Variants in SYTL3 observed in about 807,000 individuals in gnomAD.
The protein encoded by SYTL3 is synaptotagmin-like protein 3.
Under a neutral mutation model 82.1 loss-of-function variants are expected in SYTL3, and 88 were observed. The observed-to-expected ratio is 1.07, with a 90% CI of 0.90 to 1.28. SYTL3 has a LOEUF of 1.28. SYTL3 is among the 50% of genes most tolerant of loss of function. The pLI is 0.00. For missense variants in SYTL3, 831 were observed against 757.6 expected, an observed-to-expected ratio of 1.10 and a Z score of -1.14; for synonymous variants, 311 against 289.4, an observed-to-expected ratio of 1.07 and a Z score of -0.76.
chr6:158,727,689 C>CTTTTTTTTTCTTTT (rs554623370), intron 11 of SYTL3, among the ~76,000 whole-genome samples: 1 of 106,728 alleles, frequency 9.4e-6, no homozygotes, highest in African/African-American at 4.3e-5. Flanking sequence ...TCCAAGTACT[C>CTTTTTTTTTCTTTT]TTTTTTTTTT....
chr6:158,655,432 A>G (rs971713548), intron 2 of SYTL3, among the ~76,000 whole-genome samples: 1 of 152,246 alleles, frequency 6.6e-6, no homozygotes, highest in Non-Finnish European at 1.5e-5. Context: ...GAATCGCTGA[A>G]ATCTGATATT....
chr6:158,683,134 C>T, intron 6 of SYTL3, 145 bp downstream of exon 6: 1 of 585,590 alleles, frequency 1.7e-6, no homozygotes, highest in South Asian at 1.9e-5. Context: ...CTGATGCTCT[C>T]ACTGTAATTC....
chr6:158,741,906 C>T (rs1026092182), intron 11 of SYTL3, among the ~76,000 whole-genome samples: 1 of 152,190 alleles, frequency 6.6e-6, no homozygotes, highest in Non-Finnish European at 1.5e-5. Context: ...GGAGCAGCTT[C>T]GATGATTGCT....
At chr6:158,654,228 A>T (rs1788402427) in intron 2 of SYTL3, among the ~76,000 whole-genome samples, 1 of 152,118 alleles carries the variant, frequency 6.6e-6, no homozygotes, top group Admixed American at 6.5e-5. Flanking sequence ...TTTTGTACTC[A>T]TCCCACCATG....
intron 11 of SYTL3, among the ~76,000 whole-genome samples, chr6:158,743,154 G>A (rs984086992): frequency 6.6e-5 from 10 of 152,266 alleles, no homozygotes; most frequent in South Asian, 2.1e-4. Flanking sequence ...GACGTGCAGC[G>A]GTAGTGATTC....
intron 10 of SYTL3, among the ~76,000 whole-genome samples, chr6:158,719,751 A>G (rs1175807880): frequency 1.3e-5 from 2 of 152,162 alleles, no homozygotes; most frequent in Non-Finnish European, 1.5e-5. Context: ...CTACTTCATC[A>G]CATTTAATTC....
chr6:158,690,214 A>G (rs1009871353), intron 6 of SYTL3, among the ~76,000 whole-genome samples: 5 of 152,258 alleles, frequency 3.3e-5, no homozygotes, highest in Admixed American at 3.3e-4. Context: ...GTTTGAGAGC[A>G]GGAGCTATGA....
intron 14 of SYTL3, among the ~76,000 whole-genome samples, chr6:158,759,458 G>T (rs1263927190): frequency 6.6e-6 from 1 of 152,238 alleles, no homozygotes; most frequent in Non-Finnish European, 1.5e-5. Context: ...CTCAGTGCTG[G>T]CAGGAGCCAT....
intron 6 of SYTL3, among the ~76,000 whole-genome samples, chr6:158,683,964 A>C (rs947066834): frequency 1.9e-4 from 29 of 152,256 alleles, no homozygotes; most frequent in African/African-American, 7.0e-4. Context: ...TGGAGAGTTT[A>C]TCTGGGCCAA....
chr6:158,723,188 G>A (rs903376356), intron 10 of SYTL3, among the ~76,000 whole-genome samples: 3 of 142,430 alleles, frequency 2.1e-5, no homozygotes, highest in Non-Finnish European at 4.5e-5. Context: ...TCTGCCTCCC[G>A]GGTTCAAGTG....
At chr6:158,762,004 T>G in intron 15 of SYTL3, 72 bp from the exon 16 acceptor site, 2 of 1,071,118 alleles carry the variant, frequency 1.9e-6, no homozygotes, top group Non-Finnish European at 2.8e-6. Context: ...GCTCTCGGTT[T>G]TGGGGTGGTG....
In SYTL3 at chr6:158,708,398, TA is replaced by T; in HGVS notation, c.516+8del. 1.2e-6 allele frequency: 2 copies of T among 1,613,640 alleles called. No individual in the cohort carries two copies. The highest frequency in any genetic ancestry group is 3.3e-5 in the Admixed American group (2 of 60,004). On this transcript the variant is annotated splice_region_variant and intron_variant, in intron 8 of 17. Transcript: ENST00000611299. ...CAGCCGCAGTCCTGGCAGGGTAACG[TA>T]TCCATTCTGGGCACTTCTCTAGTAG...
At chr6:158,693,859 T>TTTTC (rs1780260991) in intron 6 of SYTL3, among the ~76,000 whole-genome samples, 2 of 102,196 alleles carry the variant, frequency 2.0e-5, no homozygotes, top group Middle Eastern at 9.4e-3. Flanking sequence ...TCTTTTCTTT[T>TTTTC]TTTTTTTTTT....
intron 12 of SYTL3, among the ~76,000 whole-genome samples, chr6:158,747,242 C>T (rs1245275285): frequency 2.0e-5 from 3 of 152,250 alleles, no homozygotes; most frequent in Non-Finnish European, 4.4e-5. Context: ...CCGCCTTGGC[C>T]TCCCAGAGTG....
At chr6:158,653,993 CT>C (rs1390344679) in intron 2 of SYTL3, among the ~76,000 whole-genome samples, 2 of 152,222 alleles carry the variant, frequency 1.3e-5, no homozygotes, top group Non-Finnish European at 2.9e-5. Context: ...ATTGGTTTTA[CT>C]TTTCTTGTAC....
At chr6:158,672,556 C>CTTTCT (rs1554243985) in intron 5 of SYTL3, among the ~76,000 whole-genome samples, 6 of 126,170 alleles carry the variant, frequency 4.8e-5, no homozygotes, top group African/African-American at 1.5e-4. Flanking sequence ...TTTTTTGTTT[C>CTTTCT]TTTTTTTTTT....
At chr6:158,750,676 C>G (rs753299938) in intron 12 of SYTL3, among the ~76,000 whole-genome samples, 3 of 152,126 alleles carry the variant, frequency 2.0e-5, no homozygotes, top group Non-Finnish European at 2.9e-5. Context: ...CACCACCACA[C>G]CCAGTTGACT....
At chr6:158,701,342 G>A (rs1322551243) in intron 6 of SYTL3, among the ~76,000 whole-genome samples, 4 of 129,862 alleles carry the variant, frequency 3.1e-5, no homozygotes, top group African/African-American at 1.3e-4. Flanking sequence ...GTGAGCTGGG[G>A]TGTAGATGAA....
At chr6:158,725,289 CCT>C (rs1360060470) in intron 10 of SYTL3, among the ~76,000 whole-genome samples, 1 of 151,986 alleles carries the variant, frequency 6.6e-6, no homozygotes, top group Middle Eastern at 3.2e-3. Context: ...GTCTCTGGGC[CCT>C]GTGTGCTCGC....
Sources: gnomAD v4.1 joint callset for allele counts (sites outside exome capture counted in the v4.1 genomes callset) on GRCh38, gnomAD v4.1.1 for gene constraint, MANE v1.5 for transcripts, NCBI Gene and HGNC (gene_info 2026-07-23, HGNC 2026-07-21) for gene names.